The following PTK7 variants were observed in gnomAD, a reference collection of about 807,000 sequenced individuals.
The protein encoded by PTK7 is protein tyrosine kinase 7 (inactive).
A neutral mutation model predicts 116.6 loss-of-function variants in PTK7; 39 were observed. The observed-to-expected ratio is 0.33, with a 90% CI of 0.26 to 0.44. PTK7 has a LOEUF of 0.44. Ranked by LOEUF, PTK7 falls within the 20% of genes least tolerant of loss-of-function variation. The probability of loss-of-function intolerance (pLI) is 1.00; values close to 1 mark genes in which losing one functional copy is unlikely to be tolerated. For missense variants in PTK7, 1,169 were observed against 1,425.6 expected (o/e 0.82, Z 2.90); for synonymous variants, 546 against 563.6 (o/e 0.97, Z 0.44).
In PTK7 at chr6:43,076,358, G is replaced by T; in HGVS notation, c.-131G>T. ...GGCTCGGGACGCCTCGGGACGCCTC[G>T]GGGTCGGGCTCCGGCTGCGGCTGCT... On this transcript the variant is annotated 5_prime_UTR_variant, in exon 1 of 20. Transcript: ENST00000230419. This position sits in a 1 kb window ranked among gnomAD's most constrained non-coding sequence, Gnocchi z 5.7. 3.8e-6 allele frequency: 2 copies of T among 529,940 alleles called. No homozygotes were observed. The highest frequency in any genetic ancestry group is 5.4e-6 in the Non-Finnish European group (2 of 369,854). 32.8% of individuals were successfully genotyped at this position (529,940 alleles called of 1,614,324 possible). A position where few individuals can be genotyped will look rare whatever the true frequency, so the allele number is the denominator to read the frequency against.
rs774887095 is a variant in PTK7, at chr6:43,128,953, C to A, written c.80-24C>A. ...GAGGCTGCAGCTCCCCCTGACCCTG[C>A]CTCTCCCCTGTTTGCATCTACAGGT... On this transcript the variant is annotated intron_variant, in intron 1 of 19. Coordinates refer to ENST00000230419, the MANE Select transcript of PTK7 (RefSeq NM_002821.5). The A allele has an allele frequency of 6.3e-6, 10 of 1,580,320 alleles. No homozygotes were observed. The South Asian group carries it at 1.1e-4, about 17-fold the overall frequency.
intron 1 of PTK7, among the ~76,000 whole-genome samples, chr6:43,121,216 C>T (rs1006568619): frequency 2.6e-5 from 4 of 152,096 alleles, no homozygotes; most frequent in Non-Finnish European, 5.9e-5. Flanking sequence ...CATGTGATGC[C>T]GGACCCAAGG....
intron 17 of PTK7, among the ~76,000 whole-genome samples, chr6:43,150,817 C>CT (rs1491384182): frequency 2.8e-5 from 1 of 36,142 alleles, no homozygotes; most frequent in Non-Finnish European, 5.8e-5. Context: ...TTTTTTTTTT[C>CT]CCGAGACAGA....
At chr6:43,087,542 G>A (rs1238231131) in intron 1 of PTK7, among the ~76,000 whole-genome samples, 2 of 152,150 alleles carry the variant, frequency 1.3e-5, no homozygotes, top group Non-Finnish European at 2.9e-5. Flanking sequence ...GGGTATCCTG[G>A]TGATGTTCAT....
intron 1 of PTK7, among the ~76,000 whole-genome samples, chr6:43,099,803 C>T (rs899545063): frequency 1.3e-5 from 2 of 152,140 alleles, no homozygotes; most frequent in Non-Finnish European, 2.9e-5. Flanking sequence ...GGGGTGGTGG[C>T]TTACACTTGT....
At chr6:43,154,832 G>GC (rs1771326666) in intron 17 of PTK7, among the ~76,000 whole-genome samples, 1 of 152,260 alleles carries the variant, frequency 6.6e-6, no homozygotes, top group African/African-American at 2.4e-5. Context: ...GTAGCCAGCA[G>GC]CCCAACCTCT....
chr6:43,131,030 CACACACACACACA>C (rs1769645525), intron 5 of PTK7, among the ~76,000 whole-genome samples: 1 of 9,108 alleles, frequency 1.1e-4, no homozygotes, highest in African/African-American at 3.8e-4. Context: ...GCAAAGACAT[CACACACACACACA>C]CACACACACA....
intron 15 of PTK7, 70 bp downstream of exon 15, chr6:43,144,676 G>A (rs1770624738): frequency 9.8e-6 from 15 of 1,524,788 alleles, no homozygotes; most frequent in South Asian, 6.3e-5. Flanking sequence ...GGCTGGGTAC[G>A]GGCTAGTGTT....
At chr6:43,097,920 G>C (rs1382522180) in intron 1 of PTK7, among the ~76,000 whole-genome samples, 1 of 152,170 alleles carries the variant, frequency 6.6e-6, no homozygotes, top group Non-Finnish European at 1.5e-5. Context: ...TCAAAGTCTT[G>C]TCCTTGGTTT....
At chr6:43,108,037 A>G (rs1767990332) in intron 1 of PTK7, among the ~76,000 whole-genome samples, 1 of 152,104 alleles carries the variant, frequency 6.6e-6, no homozygotes, top group African/African-American at 2.4e-5. Flanking sequence ...AGTTGGTGGC[A>G]CATTGTTATC....
intron 17 of PTK7, 102 bp from the exon 18 acceptor site, chr6:43,158,715 C>A: frequency 7.8e-7 from 1 of 1,283,080 alleles, no homozygotes; most frequent in Non-Finnish European, 1.1e-6. Flanking sequence ...GCTTCCTACG[C>A]AGCACACCAA....
chr6:43,157,505 C>T (rs1293436306), intron 17 of PTK7, among the ~76,000 whole-genome samples: 1 of 147,754 alleles, frequency 6.8e-6, no homozygotes, highest in Admixed American at 6.8e-5. Context: ...TCACCATGCC[C>T]AGCATACACA....
At chr6:43,090,176 G>A (rs910036555) in intron 1 of PTK7, among the ~76,000 whole-genome samples, 3 of 152,232 alleles carry the variant, frequency 2.0e-5, no homozygotes, top group East Asian at 1.9e-4. Context: ...GTAGGAGAGC[G>A]TGGGCTCAGC....
chr6:43,099,306 C>T (rs140147428), intron 1 of PTK7, among the ~76,000 whole-genome samples: 2,915 of 150,818 alleles, frequency 0.019, 45 homozygotes, highest in Non-Finnish European at 0.032. Context: ...AATCATGGCT[C>T]ATTGCAGCCT....
intron 17 of PTK7, among the ~76,000 whole-genome samples, chr6:43,157,359 TATA>T (rs1349520363): frequency 0.016 from 132 of 8,356 alleles, 17 homozygotes; most frequent in South Asian, 0.017. Flanking sequence ...TATATATATA[TATA>T]TATTTTTTTT....
chr6:43,114,855 C>G (rs535464745), intron 1 of PTK7, among the ~76,000 whole-genome samples: 1 of 152,166 alleles, frequency 6.6e-6, no homozygotes, highest in African/African-American at 2.4e-5. Context: ...GCCTGGCCAA[C>G]ATGGTGAAAC....
At chr6:43,132,302 T>G in intron 6 of PTK7, 119 bp from the exon 7 acceptor site, 1 of 1,490,406 alleles carries the variant, frequency 6.7e-7, no homozygotes, top group East Asian at 2.3e-5. Flanking sequence ...GAAGAGGATA[T>G]GCAGAGGGCT....
chr6:43,129,244 A>C lies in PTK7; in HGVS notation c.347A>C (p.Asn116Thr). The C allele has an allele frequency of 6.2e-7, 1 of 1,614,110 alleles. No individual in the cohort carries two copies. Among genetic ancestry groups the C allele is most frequent in the African/African-American group, 1.3e-5 (1 of 75,054 alleles). Residue 116 changes from asparagine to threonine, a missense_variant, in exon 2 of 20, where the codon AAC becomes ACC. By Grantham distance (65) the Asn-to-Thr change is moderately conservative. Transcript: ENST00000230419. The surrounding 1 kb of genome is among the most constrained non-coding windows in gnomAD (Gnocchi z 4.5). ...ACTGGAGAAGAAGCCCGCAGTGCCA[A>C]CGCCTCCTTCAACATCAAATGTGAG... ...DVTGEEARSANASFNIKWIEA... is the reference protein window; with the variant it reads ...DVTGEEARSATASFNIKWIEA...
At chr6:43,150,121 G>A (rs1483030000) in intron 17 of PTK7, among the ~76,000 whole-genome samples, 2 of 152,222 alleles carry the variant, frequency 1.3e-5, no homozygotes, top group African/African-American at 4.8e-5. Flanking sequence ...TGGATCACTT[G>A]TGAACTAATG....
Sources: gnomAD v4.1 joint callset for allele counts (sites outside exome capture counted in the v4.1 genomes callset) on GRCh38, gnomAD v4.1.1 for gene constraint, Gnocchi (gnomAD v3.1) non-coding constraint, MANE v1.5 for transcripts, NCBI Gene and HGNC (gene_info 2026-07-23, HGNC 2026-07-21) for gene names.